The following DIP2C variants were observed in gnomAD, a reference collection of about 807,000 sequenced individuals.
DIP2C encodes the protein DIP2 acetate--CoA ligase C (putative).
DIP2C carries 33 observed loss-of-function variants against 192.4 expected under a neutral mutation model. That is an observed-to-expected ratio of 0.17 (90% CI 0.13 to 0.23). The LOEUF is 0.23. Ranked by LOEUF, DIP2C falls within the 10% of genes least tolerant of loss-of-function variation. The pLI, the probability that DIP2C is intolerant of heterozygous loss-of-function variation, is 1.00. For synonymous variants in DIP2C, 979 were observed against 864.1 expected (o/e 1.13, Z -2.33); for missense variants, 1,537 against 2,110.1 (o/e 0.73, Z 5.32).
chr10:371,761 C>A (rs1460216191), intron 17 of DIP2C, among the ~76,000 whole-genome samples: 1 of 146,288 alleles, frequency 6.8e-6, no homozygotes, highest in African/African-American at 2.6e-5. Context: ...TGGGGTGGGC[C>A]CCCTCAGCAC....
chr10:496,523 T>A (rs549088794), intron 1 of DIP2C, among the ~76,000 whole-genome samples: 1 of 145,522 alleles, frequency 6.9e-6, no homozygotes, highest in Admixed American at 6.8e-5. Context: ...AATCTCTACA[T>A]TACTCCCAAA....
chr10:612,653 C>T (rs868547069), intron 1 of DIP2C, among the ~76,000 whole-genome samples: 3 of 152,238 alleles, frequency 2.0e-5, no homozygotes, highest in Middle Eastern at 3.4e-3. Flanking sequence ...CCAAAGGGCC[C>T]GGCCACAGCT....
At chr10:674,828 A>AGAGAGG (rs1554772178) in intron 1 of DIP2C, among the ~76,000 whole-genome samples, 1 of 147,618 alleles carries the variant, frequency 6.8e-6, no homozygotes, top group Non-Finnish European at 1.5e-5. Context: ...AGAGAGAGAG[A>AGAGAGG]GACCAACACA....
At position 548,219 on chromosome 10, in the gene DIP2C, C is replaced by CG. The variant is rs1554897772; in HGVS notation, c.86-61690_86-61689insC. Reference sequence around the variant, plus strand: ...CACGAGTCTGCCCCACCCCCCCCCCCACAGGAAAGCCCTGGTGGTCAGGGC... The same window carrying CG: ...CACGAGTCTGCCCCACCCCCCCCCCCGACAGGAAAGCCCTGGTGGTCAGGGC... On this transcript the variant is annotated intron_variant, in intron 1 of 36. Coordinates refer to ENST00000280886, the MANE Select transcript of DIP2C (RefSeq NM_014974.3). Among the ~76,000 whole-genome samples, 6 of 130,624 alleles carry CG rather than the reference C, an allele frequency of 4.6e-5. No homozygotes were observed. In the South Asian group the frequency reaches 1.8e-3, roughly 40 times the overall value. 85.7% of individuals were successfully genotyped at this position (130,624 alleles called of 152,430 possible).
At chr10:661,981 C>T (rs1380627229) in intron 1 of DIP2C, 1 of 708,650 alleles carries the variant, frequency 1.4e-6, no homozygotes, top group African/African-American at 1.7e-5. Flanking sequence ...GCTCAGCTCA[C>T]TGGCTGCCTT....
chr10:601,845 C>T (rs2131702386), intron 1 of DIP2C, among the ~76,000 whole-genome samples: 1 of 152,318 alleles, frequency 6.6e-6, no homozygotes, highest in East Asian at 1.9e-4. Context: ...TCCTCAGAGG[C>T]TGCCTGTTCT....
intron 13 of DIP2C, among the ~76,000 whole-genome samples, chr10:388,012 G>A (rs941163190): frequency 6.6e-6 from 1 of 152,178 alleles, no homozygotes; most frequent in Non-Finnish European, 1.5e-5. Flanking sequence ...CAGATATCCT[G>A]ACACATGAGT....
chr10:551,296 A>G (rs1848573576), intron 1 of DIP2C, among the ~76,000 whole-genome samples: 1 of 152,142 alleles, frequency 6.6e-6, no homozygotes, highest in Non-Finnish European at 1.5e-5. Flanking sequence ...CCCGCCATGG[A>G]GCCTGGCATA....
intron 1 of DIP2C, among the ~76,000 whole-genome samples, chr10:572,765 A>G (rs1399170072): frequency 6.6e-6 from 1 of 152,126 alleles, no homozygotes; most frequent in Non-Finnish European, 1.5e-5. Context: ...AATGATCCAC[A>G]AGCCAGCTTT....
intron 1 of DIP2C, among the ~76,000 whole-genome samples, chr10:678,441 T>C (rs895078021): frequency 1.3e-5 from 2 of 151,650 alleles, no homozygotes; most frequent in African/African-American, 4.9e-5. Context: ...CGGCAGCATC[T>C]GTCAGAGCAG....
At position 415,772 on chromosome 10, in the gene DIP2C, CTAA is replaced by C. The variant is rs1432183350; in HGVS notation, c.853_855del (p.Leu285del). 4 of 1,614,050 alleles carry C rather than the reference CTAA, an allele frequency of 2.5e-6. No homozygotes were observed. The highest frequency in any genetic ancestry group is 1.3e-5 in the African/African-American group (1 of 75,018). On this transcript the variant is annotated inframe_deletion, in exon 7 of 37. Transcript: ENST00000280886. The stretch of plus-strand genomic sequence containing the variant: ...GTGTGGTAAAGAGTTCTCTCACCTT[CTAA>C]TAATTCTTCAAAGTCATCGACAAAG...
At chr10:640,793 A>C (rs1022051710) in intron 1 of DIP2C, among the ~76,000 whole-genome samples, 7 of 150,398 alleles carry the variant, frequency 4.7e-5, no homozygotes, top group African/African-American at 1.5e-4. Context: ...GAGGGTGCGC[A>C]GGCTCCGAGA....
At chr10:443,623 C>T (rs1967920349) in intron 3 of DIP2C, among the ~76,000 whole-genome samples, 1 of 152,240 alleles carries the variant, frequency 6.6e-6, no homozygotes, top group Non-Finnish European at 1.5e-5. Flanking sequence ...CTGTCGGGAG[C>T]CACCAGCTCA....
chr10:281,740 C>T (rs1954840005), intron 35 of DIP2C, among the ~76,000 whole-genome samples: 1 of 152,216 alleles, frequency 6.6e-6, no homozygotes, highest in Admixed American at 6.5e-5. Flanking sequence ...ACAGTCAGAC[C>T]AGCTCTGTGA....
At chr10:284,460 T>C (rs1165461795) in intron 34 of DIP2C, among the ~76,000 whole-genome samples, 2 of 152,198 alleles carry the variant, frequency 1.3e-5, no homozygotes, top group African/African-American at 4.8e-5. Context: ...AGCATGGATG[T>C]ACCTGGAAGA....
At chr10:498,121 T>G (rs1844975293) in intron 1 of DIP2C, among the ~76,000 whole-genome samples, 1 of 152,176 alleles carries the variant, frequency 6.6e-6, no homozygotes, top group South Asian at 2.1e-4. Flanking sequence ...CCACCTAGAC[T>G]TCCCAAAGTG....
intron 1 of DIP2C, among the ~76,000 whole-genome samples, chr10:656,286 T>C (rs1588695575): frequency 6.6e-6 from 1 of 152,276 alleles, no homozygotes; most frequent in East Asian, 1.9e-4. Flanking sequence ...TTGTATACTA[T>C]ACTATATGTT....
At chr10:545,576 C>G (rs1007264369) in intron 1 of DIP2C, among the ~76,000 whole-genome samples, 1 of 152,164 alleles carries the variant, frequency 6.6e-6, no homozygotes, top group Non-Finnish European at 1.5e-5. Context: ...GGTGAGGACC[C>G]GGAGGATCGA....
Position 399,133 on chromosome 10 carries a change from G to C in DIP2C, c.1236C>G (p.Pro412=), listed in dbSNP as rs770325232. 6.2e-7 allele frequency: 1 copy of C among 1,613,826 alleles called. No individual in the cohort carries two copies. The highest frequency in any genetic ancestry group is 8.5e-7 in the Non-Finnish European group (1 of 1,179,980). The change falls in exon 10 of 37, where the codon CCC becomes CCG. Residue 412 remains proline, a synonymous_variant. Transcript: ENST00000280886. ...CCTTCCTGGTGAGCGGCACCTCGAT[G>C]GGCACGGGGACCACCTCGGCCAGCA... is the stretch of plus-strand genomic sequence containing the variant. ...GCLLAEVVPV[P]IEVPLTRKDA...
Sources: allele counts gnomAD v4.1 joint callset (sites outside exome capture counted in the v4.1 genomes callset), GRCh38; gene constraint gnomAD v4.1.1; transcripts MANE v1.5; gene names NCBI Gene and HGNC (gene_info 2026-07-23, HGNC 2026-07-21).